NRXN3: variants seen among roughly 807,000 people sequenced by gnomAD.
NRXN3 encodes neurexin III.
In NRXN3, 32 loss-of-function variants were observed where a neutral mutation model predicts 137.6. The ratio of observed to expected loss-of-function variants is 0.23; its 90% CI spans 0.18 to 0.31. The LOEUF (loss-of-function observed/expected upper bound fraction) is 0.31. NRXN3 is among the 10% of genes least tolerant of loss of function. The pLI is 1.00. For missense variants in NRXN3, 1,574 were observed against 2,062.5 expected, an observed-to-expected ratio of 0.76 and a Z score of 4.59; for synonymous variants, 798 against 784.5, an observed-to-expected ratio of 1.02 and a Z score of -0.29.
intron 20 of NRXN3, among the ~76,000 whole-genome samples, chr14:79,843,342 A>C (rs10136470): frequency 0.019 from 2,870 of 152,324 alleles, 95 homozygotes; most frequent in African/African-American, 0.066. Flanking sequence ...CTTTACTGCT[A>C]ACAAAAATGC....
intron 4 of NRXN3, among the ~76,000 whole-genome samples, chr14:78,576,657 A>G (rs866563512): frequency 1.3e-5 from 2 of 152,098 alleles, no homozygotes; most frequent in East Asian, 3.9e-4. Context: ...TTAAGTCTCT[A>G]TTTGTGTCAC....
intron 15 of NRXN3, chr14:79,280,660 G>A (rs574645623): frequency 5.8e-6 from 6 of 1,030,186 alleles, no homozygotes; most frequent in South Asian, 1.5e-5. Flanking sequence ...ATGATGAAAA[G>A]CATCGTATGT....
At chr14:79,520,950 A>G (rs1023944857) in intron 16 of NRXN3, among the ~76,000 whole-genome samples, 2 of 152,210 alleles carry the variant, frequency 1.3e-5, no homozygotes, top group Admixed American at 6.5e-5. Context: ...TTATTCTACT[A>G]TAAAGACACA....
intron 1 of NRXN3, among the ~76,000 whole-genome samples, chr14:78,186,192 G>A (rs964362942): frequency 2.6e-5 from 4 of 152,228 alleles, no homozygotes; most frequent in African/African-American, 9.6e-5. Flanking sequence ...GAGGCAGAGT[G>A]AAAGGGTGAC....
At chr14:78,870,601 G>A (rs2099098907) in intron 10 of NRXN3, among the ~76,000 whole-genome samples, 1 of 151,906 alleles carries the variant, frequency 6.6e-6, no homozygotes, top group Admixed American at 6.6e-5. Context: ...TTACCCTGTA[G>A]GTGTTACTGA....
At chr14:79,354,539 A>T (rs1248059261) in intron 15 of NRXN3, among the ~76,000 whole-genome samples, 1 of 152,052 alleles carries the variant, frequency 6.6e-6, no homozygotes, top group Admixed American at 6.6e-5. Context: ...CTCCTGTTCC[A>T]CTCACATTTC....
chr14:78,790,159 C>G (rs1367957669), intron 8 of NRXN3, among the ~76,000 whole-genome samples: 1 of 152,122 alleles, frequency 6.6e-6, no homozygotes, highest in Non-Finnish European at 1.5e-5. Flanking sequence ...AGAAAAGTCT[C>G]TATAAACTTT....
intron 15 of NRXN3, among the ~76,000 whole-genome samples, chr14:79,183,410 T>C (rs1341608763): frequency 6.6e-6 from 1 of 152,224 alleles, no homozygotes; most frequent in African/African-American, 2.4e-5. Context: ...TTCTAATACA[T>C]CTTCATTTTA....
intron 15 of NRXN3, among the ~76,000 whole-genome samples, chr14:79,048,365 CAGTTGTATATA>C (rs1224996350): frequency 6.6e-6 from 1 of 152,034 alleles, no homozygotes; most frequent in Non-Finnish European, 1.5e-5. Flanking sequence ...AAAACTCATC[CAGTTGTATATA>C]GGCATTCCTT....
rs76032441 is a variant in NRXN3, at chr14:78,615,204, T to A, written c.758-29916T>A. 8.9e-3 allele frequency among the ~76,000 whole-genome samples: 1,356 copies of A among 152,242 alleles called. 21 individuals carry two copies. Among genetic ancestry groups the A allele is most frequent in the African/African-American group, 0.031 (1,272 of 41,528 alleles). On this transcript the variant is annotated intron_variant, in intron 4 of 20. Transcript: ENST00000335750. Reference sequence around the variant, plus strand: ...TTATCTCATTAGGTCCTCACTATAGTCTCACTATAGGCCAAGCAGCTACTT... The same window carrying A: ...TTATCTCATTAGGTCCTCACTATAGACTCACTATAGGCCAAGCAGCTACTT...
At chr14:79,705,551 T>C (rs1294773769) in intron 19 of NRXN3, among the ~76,000 whole-genome samples, 2 of 151,392 alleles carry the variant, frequency 1.3e-5, no homozygotes, top group Non-Finnish European at 2.9e-5. Flanking sequence ...AACAAAGTTT[T>C]AGCAAACCCC....
rs967120263 is a variant in NRXN3 at position 79,817,569 on chromosome 14, T to A, written c.4093+12379T>A. Among the ~76,000 whole-genome samples, 16 of 152,168 alleles carry A rather than the reference T, an allele frequency of 1.1e-4. 1 individual carries two copies. The highest frequency in any genetic ancestry group is 1.0e-3 in the Admixed American group (16 of 15,272). ...CAATCATGTGAGAGTCTATTCTTAT[T>A]ATCTCCATTTTAAAGATAAGTAAAT... On this transcript the variant is annotated intron_variant, in intron 20 of 20. Transcript: ENST00000335750.
chr14:79,367,146 G>A (rs1165430982), intron 15 of NRXN3, among the ~76,000 whole-genome samples: 1 of 152,004 alleles, frequency 6.6e-6, no homozygotes, highest in East Asian at 1.9e-4. Context: ...ACCACGCCTA[G>A]CTTATTTTTT....
At position 79,447,050 on chromosome 14, in the gene NRXN3, C is replaced by T. The variant is rs767253827; in HGVS notation, c.3263-20171C>T. 1.2e-4 allele frequency among the ~76,000 whole-genome samples: 19 copies of T among 152,114 alleles called. 1 individual carries two copies. Among genetic ancestry groups the T allele is most frequent in the South Asian group, 6.2e-4 (3 of 4,830 alleles). On this transcript the variant is annotated intron_variant, in intron 15 of 20. Transcript: ENST00000335750. Reference sequence around the variant, plus strand: ...CTTCCCCTGGTTGTGGACTGTAACCCTTGATGTTATTGACCATCTTGGGAT... The same window carrying T: ...CTTCCCCTGGTTGTGGACTGTAACCTTTGATGTTATTGACCATCTTGGGAT...
At chr14:79,686,136 T>G (rs944617157) in intron 17 of NRXN3, among the ~76,000 whole-genome samples, 2 of 151,862 alleles carry the variant, frequency 1.3e-5, no homozygotes, top group African/African-American at 2.4e-5. Flanking sequence ...TCCTAAAAAT[T>G]AGCTGGGCAT....
At chr14:79,821,685 TG>T (rs1263434941) in intron 20 of NRXN3, among the ~76,000 whole-genome samples, 30 of 150,282 alleles carry the variant, frequency 2.0e-4, no homozygotes, top group African/African-American at 6.3e-4. Context: ...TTTTTTTTTT[TG>T]CATGTCTTTT....
At chr14:78,950,645 G>GAAGGAAGGAAGGAAAA (rs1320053866) in intron 10 of NRXN3, among the ~76,000 whole-genome samples, 1 of 151,752 alleles carries the variant, frequency 6.6e-6, no homozygotes, top group Admixed American at 6.6e-5. Flanking sequence ...AAGAAGGAAA[G>GAAGGAAGGAAGGAAAA]AAGGAAGGAA....
chr14:79,544,082 AAAAAAT>A (rs543984941), intron 16 of NRXN3, among the ~76,000 whole-genome samples: 108 of 152,328 alleles, frequency 7.1e-4, no homozygotes, highest in African/African-American at 2.5e-3. Flanking sequence ...AAATTTAGGC[AAAAAAT>A]AAAAATAAAA....
intron 20 of NRXN3, among the ~76,000 whole-genome samples, chr14:79,810,946 A>G (rs2099230262): frequency 6.6e-6 from 1 of 152,180 alleles, no homozygotes. Flanking sequence ...TCTTATAGAG[A>G]TACGTTTTGT....
Sources: allele counts gnomAD v4.1 joint callset (sites outside exome capture counted in the v4.1 genomes callset), GRCh38; gene constraint gnomAD v4.1.1; transcripts MANE v1.5; gene names NCBI Gene and HGNC (gene_info 2026-07-23, HGNC 2026-07-21).